Variants in PCDH7 observed in about 807,000 individuals in gnomAD.
PCDH7 encodes the protein protocadherin-7.
Under a neutral mutation model 58.9 loss-of-function variants are expected in PCDH7, and 17 were observed. That is an observed-to-expected ratio of 0.29 (90% CI 0.20 to 0.43). The LOEUF (loss-of-function observed/expected upper bound fraction) is 0.43. PCDH7 is among the 20% of genes least tolerant of loss of function. The pLI, the probability that PCDH7 is intolerant of heterozygous loss-of-function variation, is 1.00. For missense variants in PCDH7, 1,274 were observed against 1,441.0 expected, an observed-to-expected ratio of 0.88 and a Z score of 1.88; for synonymous variants, 664 against 616.4, an observed-to-expected ratio of 1.08 and a Z score of -1.14.
chr4:30,840,399 G>A (rs1004546648), intron 1 of PCDH7, among the ~76,000 whole-genome samples: 2 of 151,990 alleles, frequency 1.3e-5, no homozygotes, highest in Non-Finnish European at 1.5e-5. Flanking sequence ...TGATCTCATC[G>A]CTTCCTTTAT....
chr4:30,747,830 A>C (rs1460944841), intron 1 of PCDH7, among the ~76,000 whole-genome samples: 2 of 152,250 alleles, frequency 1.3e-5, no homozygotes, highest in Non-Finnish European at 2.9e-5. Flanking sequence ...ATTGGCAGAC[A>C]TTCCCAAAAT....
chr4:31,000,156 G>A (rs1752247346), intron 3 of PCDH7, among the ~76,000 whole-genome samples: 1 of 152,058 alleles, frequency 6.6e-6, no homozygotes, highest in Admixed American at 6.6e-5. Context: ...GTCCCATCTG[G>A]AATAGCTTTG....
At position 31,088,138 on chromosome 4, in the gene PCDH7, T is replaced by C. The variant is rs550952862; in HGVS notation, c.*8-54335T>C. 3.9e-5 allele frequency among the ~76,000 whole-genome samples: 6 copies of C among 152,188 alleles called. No homozygotes were observed. The South Asian group carries it at 8.3e-4, about 21-fold the overall frequency. On this transcript the variant is annotated intron_variant, in intron 3 of 3. Coordinates refer to the PCDH7 transcript ENST00000509759. ...GCTATATTGTTTATTCAAAAAGCCA[T>C]GGTACCTTTTGAATGTGTGTTTTTA... is the stretch of plus-strand genomic sequence containing the variant.
chr4:31,044,496 G>A (rs1031014628), intron 3 of PCDH7, among the ~76,000 whole-genome samples: 6 of 151,910 alleles, frequency 3.9e-5, no homozygotes, highest in African/African-American at 1.4e-4. Flanking sequence ...ACAGAATATT[G>A]ATTTCATTTT....
At chr4:30,928,050 A>G (rs1744114082) in intron 2 of PCDH7, among the ~76,000 whole-genome samples, 1 of 152,052 alleles carries the variant, frequency 6.6e-6, no homozygotes, top group Non-Finnish European at 1.5e-5. Flanking sequence ...TTCTTGGCTC[A>G]CTACAGCCTC....
intron 3 of PCDH7, among the ~76,000 whole-genome samples, chr4:31,062,816 G>A (rs1240341263): frequency 1.3e-5 from 2 of 151,604 alleles, no homozygotes; most frequent in African/African-American, 2.4e-5. Context: ...GTAACTTTGA[G>A]GTTTTAAGTA....
At chr4:30,985,015 G>A (rs922987281) in intron 3 of PCDH7, among the ~76,000 whole-genome samples, 14 of 152,110 alleles carry the variant, frequency 9.2e-5, no homozygotes, top group Non-Finnish European at 2.1e-4. Context: ...CGCCCAGACT[G>A]GAGTGCAGTG....
At chr4:30,878,696 A>G (rs1176278815) in intron 1 of PCDH7, among the ~76,000 whole-genome samples, 1 of 152,086 alleles carries the variant, frequency 6.6e-6, no homozygotes, top group African/African-American at 2.4e-5. Flanking sequence ...CTAAAAATAC[A>G]AAAATTGTCT....
intron 1 of PCDH7, among the ~76,000 whole-genome samples, chr4:30,906,222 CT>C (rs1231549378): frequency 2.0e-5 from 3 of 152,160 alleles, no homozygotes; most frequent in African/African-American, 7.2e-5. Context: ...CATTTAGTCA[CT>C]GATCCAACCC....
At chr4:30,731,168 C>A (rs1348961482) in exon 2 of PCDH7, 2 of 995,810 alleles carry the variant, frequency 2.0e-6, no homozygotes, top group Non-Finnish European at 1.2e-6. Context: ...ATGTCTTTGT[C>A]TTTAATACAT....
In PCDH7 at chr4:30,722,272, G is replaced by A. The variant is rs780929028; in HGVS notation, c.850G>A (p.Gly284Ser). The A allele has an allele frequency of 1.9e-6, 3 of 1,596,956 alleles. No homozygotes were observed. The Admixed American group carries it at 5.2e-5, about 28-fold the overall frequency. The change falls in exon 1 of 2, where the codon GGC becomes AGC. Residue 284 changes from glycine (G) to serine (S), a missense_variant. By Grantham distance (56) the Gly-to-Ser change is moderately conservative. Transcript: ENST00000361762. The surrounding 1 kb of genome is among the most constrained non-coding windows in gnomAD (Gnocchi z 7.6). ...GCTGACCCTGCGAGTGCGCGACGGC[G>A]GCGACCCGCCTCGCTCCTCGCAGGC...
At chr4:30,988,411 T>C (rs1005352053) in intron 3 of PCDH7, among the ~76,000 whole-genome samples, 2 of 152,198 alleles carry the variant, frequency 1.3e-5, no homozygotes, top group African/African-American at 4.8e-5. Flanking sequence ...TTGTAAACAC[T>C]ATAGTCTGAA....
At chr4:30,831,512 G>T (rs1729774898) in intron 1 of PCDH7, among the ~76,000 whole-genome samples, 1 of 152,088 alleles carries the variant, frequency 6.6e-6, no homozygotes, top group Non-Finnish European at 1.5e-5. Flanking sequence ...TCTTGAACAT[G>T]GGTATTCAAC....
intron 3 of PCDH7, among the ~76,000 whole-genome samples, chr4:31,042,121 A>G (rs1455664710): frequency 6.6e-6 from 1 of 152,190 alleles, no homozygotes; most frequent in Non-Finnish European, 1.5e-5. Flanking sequence ...TCAGTAATGT[A>G]GAAATGCAGA....
At chr4:30,887,179 CAT>C (rs1024592150) in intron 1 of PCDH7, among the ~76,000 whole-genome samples, 3 of 152,078 alleles carry the variant, frequency 2.0e-5, no homozygotes, top group Non-Finnish European at 2.9e-5. Context: ...TCTTGGCAAA[CAT>C]AGCAGTAGTA....
intron 3 of PCDH7, among the ~76,000 whole-genome samples, chr4:31,083,782 C>G (rs1711938595): frequency 6.6e-6 from 1 of 152,158 alleles, no homozygotes; most frequent in Admixed American, 6.5e-5. Flanking sequence ...TCAGATGTGT[C>G]AAAGTGTAAC....
intron 3 of PCDH7, among the ~76,000 whole-genome samples, chr4:31,043,032 A>C (rs1213101740): frequency 6.6e-6 from 1 of 151,988 alleles, no homozygotes; most frequent in Non-Finnish European, 1.5e-5. Flanking sequence ...TATGATAACC[A>C]ACTCACTCTC....
intron 3 of PCDH7, among the ~76,000 whole-genome samples, chr4:31,058,609 A>T (rs1004585455): frequency 2.0e-5 from 3 of 152,036 alleles, no homozygotes; most frequent in African/African-American, 7.2e-5. Context: ...AATAAATATA[A>T]TTTGACCATT....
At chr4:30,754,474 T>C (rs1188488505) in intron 1 of PCDH7, among the ~76,000 whole-genome samples, 6 of 152,180 alleles carry the variant, frequency 3.9e-5, no homozygotes, top group African/African-American at 1.4e-4. Context: ...ACAAAAGTTA[T>C]GAATTAAAGG....
Sources: gnomAD v4.1 joint callset for allele counts (sites outside exome capture counted in the v4.1 genomes callset) on GRCh38, gnomAD v4.1.1 for gene constraint, Gnocchi (gnomAD v3.1) non-coding constraint, MANE v1.5 for transcripts, NCBI Gene and HGNC (gene_info 2026-07-23, HGNC 2026-07-21) for gene names.